Variants in PCDHGA3 observed in about 807,000 individuals in gnomAD.
PCDHGA3 encodes the protein protocadherin gamma-A3.
A neutral mutation model predicts 58.5 loss-of-function variants in PCDHGA3; 40 were observed. The ratio of observed to expected loss-of-function variants is 0.68; its 90% CI spans 0.53 to 0.89. The LOEUF (loss-of-function observed/expected upper bound fraction) is 0.89, where lower values mean the gene tolerates loss of function less well. Among genes scored for constraint, PCDHGA3 ranks in the 40% least tolerant of loss-of-function variants. The pLI is 0.00. For synonymous variants in PCDHGA3, 530 were observed against 525.7 expected (o/e 1.01, Z -0.11); for missense variants, 1,223 against 1,195.9 (o/e 1.02, Z -0.33).
At chr5:141,417,958 C>T (rs1255501304) in intron 1 of PCDHGA3, 3 of 1,613,720 alleles carry the variant, frequency 1.9e-6, no homozygotes, top group South Asian at 2.2e-5. Context: ...GTGAGCCGAT[C>T]CGCTACTCGA....
intron 1 of PCDHGA3, chr5:141,385,324 G>A (rs1781124607): frequency 1.2e-6 from 2 of 1,607,160 alleles, no homozygotes; most frequent in Non-Finnish European, 1.7e-6. Flanking sequence ...AAGTATTCAG[G>A]TGAGCCCAGC....
chr5:141,370,558 G>A (rs1191020056), intron 1 of PCDHGA3: 3 of 1,613,818 alleles, frequency 1.9e-6, no homozygotes, highest in Admixed American at 3.3e-5. Flanking sequence ...AAGGACCTGG[G>A]GTTTGGCGTG....
At chr5:141,394,327 T>C (rs747533347) in intron 1 of PCDHGA3, 1 of 1,613,944 alleles carries the variant, frequency 6.2e-7, no homozygotes. Context: ...TCCTCGTATA[T>C]CTCCATCAAC....
chr5:141,345,272 A>G lies in PCDHGA3; in HGVS notation c.1239A>G (p.Glu413=). Residue 413 remains glutamate, a synonymous_variant, in exon 1 of 4, where the codon GAA becomes GAG. Coordinates refer to ENST00000253812, the MANE Select transcript of PCDHGA3 (RefSeq NM_018916.4). ...TGACGGCCACATCCCTGGACCGCGA[A>G]CAAATATCAGAATATAACATTAGTC... ...RLVTATSLDR[E]QISEYNISLR... 1 of 1,614,002 alleles carries G rather than the reference A, an allele frequency of 6.2e-7. No homozygotes were observed. Among genetic ancestry groups the G allele is most frequent in the African/African-American group, 1.3e-5 (1 of 75,032 alleles).
At chr5:141,365,248 A>G in intron 1 of PCDHGA3, 5 of 1,613,892 alleles carry the variant, frequency 3.1e-6, no homozygotes, top group Non-Finnish European at 4.2e-6. Flanking sequence ...CTCTACAATC[A>G]CTGGACTATG....
rs916551872 is a variant in PCDHGA3 at position 141,344,614 on chromosome 5, T to C, written c.581T>C (p.Leu194Pro). The C allele has an allele frequency of 6.2e-7, 1 of 1,613,994 alleles. No individual in the cohort carries two copies. Among genetic ancestry groups the C allele is most frequent in the African/African-American group, 1.3e-5 (1 of 75,058 alleles). Residue 194 changes from leucine (L) to proline (P), a missense_variant, in exon 1 of 4, where the codon CTG (leucine) becomes CCG (proline). Physicochemically the swap from Leu to Pro is moderately conservative, Grantham distance 98 (BLOSUM62 -3). Transcript: ENST00000253812. ...TCTGAGGGGGCCAAGTATCCAGAGC[T>C]GGTGCTGGAGCGGGCCCTGGACCGT... ...SVSEGAKYPE[L>P]VLERALDREK...
In PCDHGA3 at chr5:141,432,122, G is replaced by C; in HGVS notation, c.2425-62685G>C. On this transcript the variant is annotated intron_variant, in intron 1 of 3. Transcript: ENST00000253812. This position sits in a 1 kb window ranked among gnomAD's most constrained non-coding sequence, Gnocchi z 6.0. ...CGACAACCCGCCGGTCTTCCCTCAG[G>C]CCTCCTATTCCGCTTATATCCCAGA... 6.2e-7 allele frequency: 1 copy of C among 1,614,052 alleles called. No homozygotes were observed. Among genetic ancestry groups the C allele is most frequent in the Non-Finnish European group, 8.5e-7 (1 of 1,180,022 alleles).
chr5:141,465,688 G>C (rs1386213425), intron 1 of PCDHGA3, among the ~76,000 whole-genome samples: 1 of 152,086 alleles, frequency 6.6e-6, no homozygotes, highest in African/African-American at 2.4e-5. Context: ...TGACCAGTCT[G>C]CTTTTGCATT....
In PCDHGA3 at chr5:141,489,584, A is replaced by G. The variant is rs775720718; in HGVS notation, c.2425-5223A>G. Reference sequence around the variant, plus strand: ...CAGGTGGTGACTGAACACCCCCTGGAGCTAATCCGTGTAGAGGTAGAGATC... The same window carrying G: ...CAGGTGGTGACTGAACACCCCCTGGGGCTAATCCGTGTAGAGGTAGAGATC... On this transcript the variant is annotated intron_variant, in intron 1 of 3. Coordinates refer to ENST00000253812, the MANE Select transcript of PCDHGA3 (RefSeq NM_018916.4). The surrounding 1 kb of genome is among the most constrained non-coding windows in gnomAD (Gnocchi z 4.5). The G allele has an allele frequency of 6.2e-7, 1 of 1,614,054 alleles. No homozygotes were observed. Among genetic ancestry groups the G allele is most frequent in the South Asian group, 1.1e-5 (1 of 91,078 alleles).
At position 141,346,234 on chromosome 5, in the gene PCDHGA3, G is replaced by T; in HGVS notation, c.2201G>T (p.Ser734Ile). 6.2e-7 allele frequency: 1 copy of T among 1,614,212 alleles called. No homozygotes were observed. Among genetic ancestry groups the T allele is most frequent in the Non-Finnish European group, 8.5e-7 (1 of 1,180,044 alleles). The change falls in exon 1 of 4, where the codon AGT becomes ATT. Residue 734 changes from serine (S) to isoleucine (I), a missense_variant. Coordinates refer to ENST00000253812, the MANE Select transcript of PCDHGA3 (RefSeq NM_018916.4). Reference sequence around the variant, plus strand: ...CAGGCTTCGGGAGGCGGCTTGGCGAGTACGCCCGGCTCGCACTTTGTGGGC... The same window carrying T: ...CAGGCTTCGGGAGGCGGCTTGGCGATTACGCCCGGCTCGCACTTTGTGGGC... ...LLQASGGGLA[S>I]TPGSHFVGAD... is the part of the protein sequence containing the mutation.
intron 1 of PCDHGA3, chr5:141,389,477 G>C (rs761615943): frequency 1.9e-6 from 3 of 1,613,174 alleles, no homozygotes; most frequent in Non-Finnish European, 2.5e-6. Flanking sequence ...TCACACTGCA[G>C]GCCCGCGACC....
intron 1 of PCDHGA3, among the ~76,000 whole-genome samples, chr5:141,386,754 C>T (rs1026748961): frequency 9.8e-5 from 15 of 152,302 alleles, no homozygotes; most frequent in Admixed American, 3.3e-4. Flanking sequence ...GGCAGAACTA[C>T]GGTTATAAGG....
At chr5:141,384,686 A>G (rs1314292313) in intron 1 of PCDHGA3, 1 of 1,613,842 alleles carries the variant, frequency 6.2e-7, no homozygotes, top group African/African-American at 1.3e-5. Context: ...GCGGTGGACA[A>G]AGATTCAGGC....
At position 141,355,048 on chromosome 5, in the gene PCDHGA3, G is replaced by T. The variant is rs1282069434; in HGVS notation, c.2424+8591G>T. 2.6e-6 allele frequency: 3 copies of T among 1,161,006 alleles called. No homozygotes were observed. The South Asian group carries it at 5.4e-5, about 21-fold the overall frequency. The allele number at this position is 1,161,006 out of a possible 1,614,324, so 71.9% of individuals were successfully genotyped here. A position where few individuals can be genotyped will look rare whatever the true frequency, so the allele number is the denominator to read the frequency against. On this transcript the variant is annotated intron_variant, in intron 1 of 3. Transcript: ENST00000253812. ...AATCACAAGATTTCTGCAGCACAAAGCACTGGCTCTGGAGCTTTATGAAAG... is the reference window on the plus strand; with the variant it reads ...AATCACAAGATTTCTGCAGCACAAATCACTGGCTCTGGAGCTTTATGAAAG...
intron 1 of PCDHGA3, chr5:141,376,025 G>A (rs1561571387): frequency 6.2e-7 from 1 of 1,613,266 alleles, no homozygotes; most frequent in East Asian, 2.2e-5. Flanking sequence ...GGCCGTCCAG[G>A]ACCACGGCCA....
At position 141,418,416 on chromosome 5, in the gene PCDHGA3, C is replaced by A. The variant is rs377542164; in HGVS notation, c.2424+71959C>A. On this transcript the variant is annotated intron_variant, in intron 1 of 3. Transcript: ENST00000253812. ...TTCTCATTGGTGGAGAAAGACAATC[C>A]TGATGGTGGCAAATATCCAGAATTA... The A allele has an allele frequency of 3.7e-6, 6 of 1,613,866 alleles. No individual in the cohort carries two copies. The African/African-American group carries it at 8.0e-5, about 22-fold the overall frequency.
chr5:141,409,341 G>C, intron 1 of PCDHGA3: 1 of 1,613,976 alleles, frequency 6.2e-7, no homozygotes, highest in Non-Finnish European at 8.5e-7. Flanking sequence ...GGAGGAAATG[G>C]AGAAGTCAGG....
intron 1 of PCDHGA3, chr5:141,404,371 C>G (rs374054833): frequency 1.5e-5 from 25 of 1,613,774 alleles, no homozygotes; most frequent in Non-Finnish European, 2.0e-5. Context: ...CCATCTTCTC[C>G]GTGATTGCCT....
At chr5:141,413,650 C>T (rs1384444202) in intron 1 of PCDHGA3, 2 of 1,613,714 alleles carry the variant, frequency 1.2e-6, no homozygotes, top group Non-Finnish European at 1.7e-6. Flanking sequence ...TTTTCCTCTC[C>T]CGGAAGCTAT....
Sources: gnomAD v4.1 joint callset for allele counts (sites outside exome capture counted in the v4.1 genomes callset) on GRCh38, gnomAD v4.1.1 for gene constraint, Gnocchi (gnomAD v3.1) non-coding constraint, MANE v1.5 for transcripts, NCBI Gene and HGNC (gene_info 2026-07-23, HGNC 2026-07-21) for gene names.